Variants in RPTOR observed in about 807,000 individuals in gnomAD.
RPTOR encodes the protein regulatory associated protein of MTOR complex 1, also known as regulatory-associated protein of mTOR.
RPTOR carries 21 observed loss-of-function variants against 169.9 expected under a neutral mutation model. That is an observed-to-expected ratio of 0.12 (90% CI 0.09 to 0.18). RPTOR has a LOEUF of 0.18. Among genes scored for constraint, RPTOR ranks in the 10% least tolerant of loss-of-function variants. The pLI, the probability that RPTOR is intolerant of heterozygous loss-of-function variation, is 1.00. For missense variants in RPTOR, 1,133 were observed against 1,855.9 expected (o/e 0.61, Z 7.16); for synonymous variants, 732 against 753.2 (o/e 0.97, Z 0.46).
intron 6 of RPTOR, among the ~76,000 whole-genome samples, chr17:80,786,936 C>T (rs1030269285): frequency 3.9e-5 from 6 of 152,220 alleles, no homozygotes; most frequent in Admixed American, 6.5e-5. Context: ...TATTTGGCCT[C>T]CTTTTAAGCA....
intron 7 of RPTOR, among the ~76,000 whole-genome samples, chr17:80,806,767 A>T (rs527420847): frequency 6.6e-6 from 1 of 152,224 alleles, no homozygotes; most frequent in Admixed American, 6.5e-5. Context: ...TTTAATTAGG[A>T]ATATTGCTTA....
rs574061102 is a variant in RPTOR at position 80,788,389 on chromosome 17, C to T, written c.831-3061C>T. ...CTTGAACCCAGGAGGCAGAGGTTGC[C>T]GTGAGCCAAAATCACACCACTGCAC... On this transcript the variant is annotated intron_variant, in intron 6 of 33. Transcript: ENST00000306801. 2.3e-3 allele frequency among the ~76,000 whole-genome samples: 356 copies of T among 151,952 alleles called. 1 individual carries two copies. Among genetic ancestry groups the T allele is most frequent in the African/African-American group, 8.3e-3 (344 of 41,416 alleles).
rs2066382366 is a variant in RPTOR, at chr17:80,730,549, G to A, written c.508-11G>A. ...CGCACATGTAACGAGCGCACTTTGT[G>A]TGTTTTCTAGAACTACACGCAGTAC... is the stretch of plus-strand genomic sequence containing the variant. On this transcript the variant is annotated splice_polypyrimidine_tract_variant and intron_variant, in intron 4 of 33. Coordinates refer to ENST00000306801, the MANE Select transcript of RPTOR (RefSeq NM_020761.3). This position sits in a 1 kb window ranked among gnomAD's most constrained non-coding sequence, Gnocchi z 4.2. 1.2e-6 allele frequency: 2 copies of A among 1,612,072 alleles called. No individual in the cohort carries two copies. The highest frequency in any genetic ancestry group is 3.3e-5 in the Admixed American group (2 of 59,984).
At chr17:80,782,185 G>T (rs2143459511) in intron 6 of RPTOR, among the ~76,000 whole-genome samples, 1 of 152,312 alleles carries the variant, frequency 6.6e-6, no homozygotes, top group Admixed American at 6.5e-5. Context: ...GCAGCGGCTG[G>T]TTTCTGGCTG....
chr17:80,545,410 C>T lies in RPTOR; in HGVS notation c.-220C>T, dbSNP rs1025738574. 1.8e-5 allele frequency: 8 copies of T among 452,824 alleles called. No individual in the cohort carries two copies. Among genetic ancestry groups the T allele is most frequent in the Non-Finnish European group, 3.1e-5 (8 of 254,384 alleles). 28.1% of individuals were successfully genotyped at this position (452,824 alleles called of 1,614,324 possible). A position where few individuals can be genotyped will look rare whatever the true frequency, so the allele number is the denominator to read the frequency against. On this transcript the variant is annotated 5_prime_UTR_variant, in exon 1 of 34. Coordinates refer to ENST00000306801, the MANE Select transcript of RPTOR (RefSeq NM_020761.3). Reference sequence around the variant, plus strand: ...GTGTCTGCGGAGCTTCTTGGGCTGCCCCATTTCCTAGCGGCCCCCACCTCC... The same window carrying T: ...GTGTCTGCGGAGCTTCTTGGGCTGCTCCATTTCCTAGCGGCCCCCACCTCC...
At chr17:80,555,987 C>G (rs2084402679) in intron 1 of RPTOR, among the ~76,000 whole-genome samples, 1 of 148,828 alleles carries the variant, frequency 6.7e-6, no homozygotes, top group Admixed American at 6.7e-5. Context: ...AATTCCAGCA[C>G]TTCGGGAGGC....
At chr17:80,714,557 C>A (rs1178933284) in intron 4 of RPTOR, among the ~76,000 whole-genome samples, 2 of 152,096 alleles carry the variant, frequency 1.3e-5, no homozygotes, top group African/African-American at 4.8e-5. Flanking sequence ...TGAAATACCA[C>A]ATGAGTCAAA....
At chr17:80,780,769 C>G (rs540527650) in intron 6 of RPTOR, among the ~76,000 whole-genome samples, 10 of 152,290 alleles carry the variant, frequency 6.6e-5, no homozygotes, top group African/African-American at 9.6e-5. Context: ...TCCCCCCTCA[C>G]CCTCCCCCCG....
rs1356634469 is a variant in RPTOR, at chr17:80,743,756, TACTAGCACTCTCCTGGTTACTAGCAGAGC to T, written c.655-10253_655-10225del. On this transcript the variant is annotated intron_variant, in intron 5 of 33. Transcript: ENST00000306801. The stretch of plus-strand genomic sequence containing the variant: ...CCCTGGCTACTAGCAGAGCCCTGGC[TACTAGCACTCTCCTGGTTACTAGCAGAGC>T]CCTGGCTACTAGCACAGCCCTGGCT... Among the ~76,000 whole-genome samples, 10 of 134,958 alleles carry T rather than the reference TACTAGCACTCTCCTGGTTACTAGCAGAGC, an allele frequency of 7.4e-5. 1 individual carries two copies. The highest frequency in any genetic ancestry group is 2.8e-4 in the African/African-American group (9 of 31,984). 88.5% of individuals were successfully genotyped at this position (134,958 alleles called of 152,430 possible). A position where few individuals can be genotyped will look rare whatever the true frequency, so the allele number is the denominator to read the frequency against.
chr17:80,608,400 T>C (rs1392592042), intron 1 of RPTOR, among the ~76,000 whole-genome samples: 1 of 152,202 alleles, frequency 6.6e-6, no homozygotes, highest in African/African-American at 2.4e-5. Flanking sequence ...TGGGCCATCA[T>C]TGGAGTTGCC....
At chr17:80,961,078 G>A in intron 30 of RPTOR, 1 of 396,202 alleles carries the variant, frequency 2.5e-6, no homozygotes, top group Non-Finnish European at 4.6e-6. Context: ...GCAGGGCCTG[G>A]GAGCGCTGCG....
In RPTOR at chr17:80,659,686, T is replaced by C. The variant is rs2065706585; in HGVS notation, c.348+15876T>C. 6.6e-6 allele frequency among the ~76,000 whole-genome samples: 1 copy of C among 152,062 alleles called. No homozygotes were observed. The highest frequency in any genetic ancestry group is 2.1e-4 in the South Asian group (1 of 4,826). On this transcript the variant is annotated intron_variant, in intron 3 of 33. Transcript: ENST00000306801. The surrounding 1 kb of genome is among the most constrained non-coding windows in gnomAD (Gnocchi z 4.3). ...CACACTCGGCTAATTTCTGTATTTT[T>C]AGTAGAGATGTGGTTTCACCATGTT...
intron 13 of RPTOR, among the ~76,000 whole-genome samples, chr17:80,870,077 C>G (rs974429727): frequency 2.0e-5 from 3 of 152,110 alleles, no homozygotes; most frequent in Non-Finnish European, 2.9e-5. Flanking sequence ...TAAGGACTCC[C>G]GTAGGCAAGG....
intron 13 of RPTOR, among the ~76,000 whole-genome samples, chr17:80,862,485 A>T (rs1264996976): frequency 7.0e-6 from 1 of 143,580 alleles, no homozygotes. Flanking sequence ...CCCCCCCATG[A>T]TGTGTGCACC....
intron 23 of RPTOR, among the ~76,000 whole-genome samples, chr17:80,924,490 C>T (rs1241649117): frequency 6.6e-6 from 1 of 152,198 alleles, no homozygotes; most frequent in African/African-American, 2.4e-5. Context: ...AGAGCTGTCA[C>T]GGCAAGAGCG....
At chr17:80,893,917 C>T (rs746551910) in intron 20 of RPTOR, 52 bp downstream of exon 20, 2 of 1,491,396 alleles carry the variant, frequency 1.3e-6, no homozygotes, top group Admixed American at 4.6e-5. Flanking sequence ...GGTCTCCTCC[C>T]CACACAGAGC....
intron 1 of RPTOR, chr17:80,602,679 C>A: frequency 1.4e-6 from 1 of 716,596 alleles, no homozygotes; most frequent in African/African-American, 1.7e-5. Context: ...CGCACGGATG[C>A]GGTAGGGGAC....
intron 1 of RPTOR, among the ~76,000 whole-genome samples, chr17:80,572,192 C>T (rs747105155): frequency 3.9e-5 from 6 of 152,086 alleles, no homozygotes; most frequent in Non-Finnish European, 5.9e-5. Flanking sequence ...TGACCTCCCA[C>T]GGTCAGGTGA....
rs777011602 is a variant in RPTOR, at chr17:80,936,110, C to T, written c.2920-4386C>T. On this transcript the variant is annotated intron_variant, in intron 24 of 33. Coordinates refer to ENST00000306801, the MANE Select transcript of RPTOR (RefSeq NM_020761.3). This position sits in a 1 kb window ranked among gnomAD's most constrained non-coding sequence, Gnocchi z 4.1. ...GCAAATAAGGACATGGAATGATGCT[C>T]ATTGTTAAGGATCTTAATCACGGGA... Among the ~76,000 whole-genome samples the T allele has an allele frequency of 6.6e-6, 1 of 152,180 alleles. No homozygotes were observed. Among genetic ancestry groups the T allele is most frequent in the Non-Finnish European group, 1.5e-5 (1 of 68,028 alleles).
Sources: allele counts gnomAD v4.1 joint callset (sites outside exome capture counted in the v4.1 genomes callset), GRCh38; gene constraint gnomAD v4.1.1; non-coding constraint Gnocchi (gnomAD v3.1); transcripts MANE v1.5; gene names NCBI Gene and HGNC (gene_info 2026-07-23, HGNC 2026-07-21).